Variants in LHFPL2 observed in about 807,000 individuals in gnomAD.
LHFPL2 encodes the protein LHFPL tetraspan subfamily member 2 protein.
LHFPL2 carries 7 observed loss-of-function variants against 17.5 expected under a neutral mutation model. That is an observed-to-expected ratio of 0.40 (90% CI 0.23 to 0.75). The LOEUF (loss-of-function observed/expected upper bound fraction) is 0.75. Ranked by LOEUF, LHFPL2 falls within the 30% of genes least tolerant of loss-of-function variation. LHFPL2 has a pLI of 0.37. For synonymous variants in LHFPL2, 134 were observed against 116.2 expected (o/e 1.15, Z -0.99); for missense variants, 241 against 294.8 (o/e 0.82, Z 1.34).
Position 78,582,629 on chromosome 5 carries a change from G to C in LHFPL2, c.-244-17758C>G, listed in dbSNP as rs974195619. The stretch of plus-strand genomic sequence containing the variant: ...GATTCTTAATCCTGAGTTCTAGTTT[G>C]ATTGCACTGTGGTCTGAGAGACAGT... On this transcript the variant is annotated intron_variant, in intron 2 of 4. Transcript: ENST00000380345. 5.3e-5 allele frequency among the ~76,000 whole-genome samples: 8 copies of C among 152,070 alleles called. 1 individual carries two copies. The highest frequency in any genetic ancestry group is 2.6e-4 in the Admixed American group (4 of 15,264).
In LHFPL2 at chr5:78,508,038, T is replaced by G. The variant is rs191322070; in HGVS notation, c.430+1746A>C. ...CAGGGATATTTCTCTGACAAGAAAA[T>G]GATGAATCAATCTTGAAACCCACCT... On this transcript the variant is annotated intron_variant, in intron 4 of 4. Transcript: ENST00000380345. Among the ~76,000 whole-genome samples, 7 of 150,832 alleles carry G rather than the reference T, an allele frequency of 4.6e-5. No homozygotes were observed. In the East Asian group the frequency reaches 1.2e-3, roughly 25 times the overall value.
chr5:78,497,256 A>G (rs1459326815), intron 4 of LHFPL2, among the ~76,000 whole-genome samples: 2 of 151,306 alleles, frequency 1.3e-5, no homozygotes, highest in Non-Finnish European at 2.9e-5. Flanking sequence ...TGATACCCAC[A>G]TGGCTAACTC....
At chr5:78,639,589 T>G (rs903220004) in intron 1 of LHFPL2, among the ~76,000 whole-genome samples, 3 of 152,174 alleles carry the variant, frequency 2.0e-5, no homozygotes, top group East Asian at 3.8e-4. Flanking sequence ...GACATACCTC[T>G]CTAGAATGTA....
intron 1 of LHFPL2, among the ~76,000 whole-genome samples, chr5:78,645,974 A>C (rs1050500083): frequency 2.6e-5 from 4 of 152,204 alleles, no homozygotes; most frequent in Non-Finnish European, 5.9e-5. Context: ...CATTGGGTAA[A>C]ATGTTGCTTT....
At chr5:78,489,235 T>G (rs1754357753) in intron 4 of LHFPL2, 82 bp from the exon 5 acceptor site, 16 of 1,537,374 alleles carry the variant, frequency 1.0e-5, no homozygotes, top group Non-Finnish European at 1.3e-5. Context: ...TTACTTGATT[T>G]GCTTGCTTTG....
At chr5:78,517,780 G>A (rs1156987660) in intron 3 of LHFPL2, among the ~76,000 whole-genome samples, 3 of 152,206 alleles carry the variant, frequency 2.0e-5, no homozygotes, top group Non-Finnish European at 4.4e-5. Flanking sequence ...AGATTTGGGT[G>A]GGGACACAGC....
At position 78,556,232 on chromosome 5, in the gene LHFPL2, T is replaced by C. The variant is rs530970564; in HGVS notation, c.-186+8581A>G. 3.4e-3 allele frequency among the ~76,000 whole-genome samples: 522 copies of C among 152,318 alleles called. 3 individuals carry two copies. The highest frequency in any genetic ancestry group is 5.8e-3 in the Non-Finnish European group (394 of 68,032). On this transcript the variant is annotated intron_variant, in intron 3 of 4. Transcript: ENST00000380345. ...ACAATTACAGAGCATACAATACATG[T>C]AAAATTATGCATTCCAATAAACTTT...
chr5:78,585,857 T>C (rs1303000662), intron 2 of LHFPL2, among the ~76,000 whole-genome samples: 1 of 151,958 alleles, frequency 6.6e-6, no homozygotes, highest in Admixed American at 6.6e-5. Context: ...GGGTTGGGGT[T>C]GGGGATGGGA....
chr5:78,567,620 T>A (rs544820479), intron 2 of LHFPL2, among the ~76,000 whole-genome samples: 1 of 152,158 alleles, frequency 6.6e-6, no homozygotes, highest in Non-Finnish European at 1.5e-5. Context: ...ATTAACTCAT[T>A]TGCTTTCACA....
At chr5:78,629,130 A>G (rs914254748) in intron 2 of LHFPL2, among the ~76,000 whole-genome samples, 3 of 152,208 alleles carry the variant, frequency 2.0e-5, no homozygotes, top group Admixed American at 1.3e-4. Flanking sequence ...TATTACTCCT[A>G]TTAACTACTT....
At position 78,509,966 on chromosome 5, in the gene LHFPL2, C is replaced by A. The variant is rs1292207843; in HGVS notation, c.248G>T (p.Gly83Val). 2 of 1,613,882 alleles carry A rather than the reference C, an allele frequency of 1.2e-6. No homozygotes were observed. Among genetic ancestry groups the A allele is most frequent in the Non-Finnish European group, 1.7e-6 (2 of 1,179,996 alleles). Residue 83 changes from glycine (G) to valine (V), a missense_variant, in exon 4 of 5, where the codon GGG (glycine) becomes GTG (valine). Physicochemically the swap from Gly to Val is moderately radical, Grantham distance 109. Coordinates refer to ENST00000380345, the MANE Select transcript of LHFPL2 (RefSeq NM_005779.3). The stretch of plus-strand genomic sequence containing the variant: ...CTCGCCGAAGCTCTCGGCGTAGGGC[C>A]CGCACAGCGTGTCCCGCTGGAAGTG... ...VQHFQRDTLCGPYAESFGEIA... is the reference protein window; with the variant it reads ...VQHFQRDTLCVPYAESFGEIA...
chr5:78,527,614 T>C (rs1755659281), intron 3 of LHFPL2, among the ~76,000 whole-genome samples: 1 of 151,998 alleles, frequency 6.6e-6, no homozygotes, highest in Non-Finnish European at 1.5e-5. Flanking sequence ...TGGAAACAGA[T>C]CTAGAAGGCC....
chr5:78,494,557 AGCT>A, intron 4 of LHFPL2: 2 of 983,082 alleles, frequency 2.0e-6, no homozygotes, highest in Non-Finnish European at 2.4e-6. Context: ...ACAAATGAAA[AGCT>A]GATGGTCAGT....
chr5:78,613,180 A>G (rs935340812), intron 2 of LHFPL2, among the ~76,000 whole-genome samples: 2 of 152,172 alleles, frequency 1.3e-5, no homozygotes, highest in Non-Finnish European at 2.9e-5. Flanking sequence ...TCAGCTTTCT[A>G]CCTCTGTTGT....
intron 3 of LHFPL2, among the ~76,000 whole-genome samples, chr5:78,530,180 A>T (rs1755739596): frequency 6.6e-6 from 1 of 152,322 alleles, no homozygotes; most frequent in South Asian, 2.1e-4. Flanking sequence ...TAATTTTTTT[A>T]AATTTTTAAT....
At chr5:78,554,760 T>A (rs1169436085) in intron 3 of LHFPL2, among the ~76,000 whole-genome samples, 3 of 152,250 alleles carry the variant, frequency 2.0e-5, no homozygotes, top group Non-Finnish European at 4.4e-5. Context: ...GGAAGTGAAC[T>A]GAGCTGTCTC....
rs1362762538 is a variant in LHFPL2, at chr5:78,548,674, A to C, written c.-186+16139T>G. 2.0e-5 allele frequency among the ~76,000 whole-genome samples: 3 copies of C among 152,306 alleles called. No homozygotes were observed. The East Asian group carries it at 5.8e-4, about 29-fold the overall frequency. On this transcript the variant is annotated intron_variant, in intron 3 of 4. Coordinates refer to ENST00000380345, the MANE Select transcript of LHFPL2 (RefSeq NM_005779.3). ...TGGAAAGCTGTTGCTGGGGGCAGCT[A>C]TGAGGGCTAGAACTTCTCCCTCAGC...
intron 3 of LHFPL2, among the ~76,000 whole-genome samples, chr5:78,527,681 C>G (rs1045420266): frequency 6.7e-6 from 1 of 150,122 alleles, no homozygotes; most frequent in African/African-American, 2.5e-5. Context: ...TTTTACTTCA[C>G]AAAGAAAAAA....
At chr5:78,504,708 C>T (rs558022972) in intron 4 of LHFPL2, among the ~76,000 whole-genome samples, 2 of 152,304 alleles carry the variant, frequency 1.3e-5, no homozygotes, top group South Asian at 2.1e-4. Flanking sequence ...CCTCTTTCAC[C>T]CTCAATCATT....
Sources: gnomAD v4.1 joint callset for allele counts (sites outside exome capture counted in the v4.1 genomes callset) on GRCh38, gnomAD v4.1.1 for gene constraint, MANE v1.5 for transcripts, NCBI Gene and HGNC (gene_info 2026-07-23, HGNC 2026-07-21) for gene names.